BROX: variants seen among roughly 807,000 people sequenced by gnomAD.
BROX encodes BRO1 domain and CAAX motif containing, also known as BRO1 domain-containing protein BROX.
Under a neutral mutation model 61.0 loss-of-function variants are expected in BROX, and 53 were observed. That is an observed-to-expected ratio of 0.87 (90% confidence interval 0.70 to 1.09). The LOEUF (loss-of-function observed/expected upper bound fraction) is 1.09. BROX is among the 50% of genes least tolerant of loss of function. BROX has a pLI of 0.00. For missense variants in BROX, 489 were observed against 472.0 expected (o/e 1.04, Z -0.33); for synonymous variants, 152 against 160.2 (o/e 0.95, Z 0.38).
At chr1:222,725,643 C>A in intron 7 of BROX, 88 bp downstream of exon 7, 1 of 1,056,184 alleles carries the variant, frequency 9.5e-7, no homozygotes, top group Non-Finnish European at 1.4e-6. Flanking sequence ...GGCACTGTGG[C>A]TTATGCATGT....
Position 222,734,609 on chromosome 1 carries a change from A to G in BROX, c.*1895A>G, listed in dbSNP as rs1658167553. 1 of 152,188 alleles carries G rather than the reference A, an allele frequency of 6.6e-6. No individual in the cohort carries two copies. Among genetic ancestry groups the G allele is most frequent in the Admixed American group, 6.5e-5 (1 of 15,288 alleles). 9.4% of individuals were successfully genotyped at this position (152,188 alleles called of 1,614,324 possible). On this transcript the variant is annotated 3_prime_UTR_variant, in exon 13 of 13. Coordinates refer to ENST00000340934, the MANE Select transcript of BROX (RefSeq NM_144695.4). ...TAAACAGACATTTAATTTTATTTCA[A>G]TATCTATGGAAAAAACACTTATTAA...
intron 4 of BROX, among the ~76,000 whole-genome samples, chr1:222,720,296 A>T (rs1358343155): frequency 6.6e-6 from 1 of 152,168 alleles, no homozygotes; most frequent in Non-Finnish European, 1.5e-5. Flanking sequence ...GCAATATTTT[A>T]TGTCGAATTC....
At chr1:222,731,613 C>A in intron 12 of BROX, 97 bp downstream of exon 12, 1 of 1,302,544 alleles carries the variant, frequency 7.7e-7, no homozygotes, top group South Asian at 1.4e-5. Context: ...AGATACATAT[C>A]TTTGTCTAAA....
intron 1 of BROX, among the ~76,000 whole-genome samples, chr1:222,714,987 A>G (rs935496464): frequency 6.6e-6 from 1 of 152,260 alleles, no homozygotes; most frequent in Non-Finnish European, 1.5e-5. Context: ...ATTGTAGAAC[A>G]CATGCTATAA....
rs182663688 is a variant in BROX, at chr1:222,713,166, C to T, written c.-17+224C>T. The T allele has an allele frequency of 2.8e-4, 272 of 979,734 alleles. 2 individuals are homozygous for T. Among genetic ancestry groups the T allele is most frequent in the Non-Finnish European group, 3.2e-4 (264 of 821,182 alleles). 60.7% of individuals were successfully genotyped at this position (979,734 alleles called of 1,614,324 possible). Reference sequence around the variant, plus strand: ...CTAGATCCGCTGAATCCCCTTGCCCCGCATCTCCATTGGTCATTGGAGAGC... The same window carrying T: ...CTAGATCCGCTGAATCCCCTTGCCCTGCATCTCCATTGGTCATTGGAGAGC... On this transcript the variant is annotated intron_variant, in intron 1 of 12. Transcript: ENST00000340934.
rs145225286 is a variant in BROX, at chr1:222,719,248, T to C, written c.209-15T>C. The C allele has an allele frequency of 5.9e-6, 9 of 1,530,308 alleles. No homozygotes were observed. The highest frequency in any genetic ancestry group is 7.2e-6 in the Non-Finnish European group (8 of 1,107,382). 94.8% of individuals were successfully genotyped at this position (1,530,308 alleles called of 1,614,324 possible). On this transcript the variant is annotated splice_polypyrimidine_tract_variant and intron_variant, in intron 3 of 12. Coordinates refer to ENST00000340934, the MANE Select transcript of BROX (RefSeq NM_144695.4). ...TAATTCTTCTAAAACTAAAATGTCT[T>C]GTACTTTTCTATAGGTTTCATAAAT...
At position 222,733,063 on chromosome 1, in the gene BROX, C is replaced by CTTTTTTTTTGTTTTTTTTTTTTTTTTTTT. The variant is rs1658058750; in HGVS notation, c.*358_*359insGTTTTTTTTTTTTTTTTTTTTTTTTTTTT. The CTTTTTTTTTGTTTTTTTTTTTTTTTTTTT allele has an allele frequency of 9.5e-6, 1 of 104,882 alleles. No individual in the cohort carries two copies. The highest frequency in any genetic ancestry group is 3.7e-5 in the African/African-American group (1 of 27,242). The allele number at this position is 104,882 out of a possible 1,614,324, so 6.5% of individuals were successfully genotyped here. ...AGGTATGTTTTTCTTTTTTCTTTTT[C>CTTTTTTTTTGTTTTTTTTTTTTTTTTTTT]TTTTTTTTTTTTCTTTTTTTTTTTT... On this transcript the variant is annotated 3_prime_UTR_variant, in exon 13 of 13. Transcript: ENST00000340934.
chr1:222,720,033 GA>G (rs1656950614), intron 4 of BROX, among the ~76,000 whole-genome samples: 1 of 152,204 alleles, frequency 6.6e-6, no homozygotes, highest in Non-Finnish European at 1.5e-5. Context: ...AGAAAGGAAG[GA>G]GTGGAGGTTG....
chr1:222,727,248 C>T lies in BROX; in HGVS notation c.661C>T (p.Gln221Ter). The T allele has an allele frequency of 6.2e-7, 1 of 1,609,116 alleles. No homozygotes were observed. The highest frequency in any genetic ancestry group is 1.3e-5 in the African/African-American group (1 of 74,904). ...GGCGTATGAAACAGCCAATTTCTAT[C>T]AAAAAGCTGGTAAGCTTCTAATTCT... ...ALAYETANFY[Q>*]KADHTLSSLE... The change falls in exon 8 of 13, where the codon CAA becomes TAA. Residue 221 changes from glutamine to a stop codon, truncating the protein, a stop_gained. Coordinates refer to ENST00000340934, the MANE Select transcript of BROX (RefSeq NM_144695.4). LOFTEE classifies it high-confidence loss of function.
chr1:222,730,641 G>A (rs1306509168), intron 11 of BROX, among the ~76,000 whole-genome samples: 2 of 152,226 alleles, frequency 1.3e-5, no homozygotes, highest in South Asian at 2.1e-4. Context: ...CTTTAAATTC[G>A]TGATAAATTT....
intron 6 of BROX, 43 bp from the exon 7 acceptor site, chr1:222,725,407 A>C: frequency 7.3e-7 from 1 of 1,367,816 alleles, no homozygotes; most frequent in South Asian, 1.3e-5. Flanking sequence ...TTAAAATAAA[A>C]TTTGGCTGCT....
intron 11 of BROX, among the ~76,000 whole-genome samples, chr1:222,730,566 C>T (rs542587208): frequency 4.2e-4 from 64 of 152,204 alleles, no homozygotes; most frequent in African/African-American, 1.3e-3. Context: ...ACTGCACTCC[C>T]GCCTGGGCAA....
intron 4 of BROX, among the ~76,000 whole-genome samples, chr1:222,720,519 TAGTG>T (rs1410242824): frequency 8.5e-5 from 13 of 152,292 alleles, no homozygotes; most frequent in Admixed American, 1.3e-4. Flanking sequence ...TTCTGTGTAA[TAGTG>T]AGCTAAAGCC....
intron 5 of BROX, among the ~76,000 whole-genome samples, 158 bp downstream of exon 5, chr1:222,722,672 G>A (rs1282762118): frequency 6.6e-6 from 1 of 152,110 alleles, no homozygotes; most frequent in Non-Finnish European, 1.5e-5. Flanking sequence ...GGCACCTAGC[G>A]TTAAGAGGTA....
At chr1:222,729,437 G>A (rs544001941) in intron 9 of BROX, among the ~76,000 whole-genome samples, 183 bp from the exon 10 acceptor site, 1 of 152,174 alleles carries the variant, frequency 6.6e-6, no homozygotes, top group Non-Finnish European at 1.5e-5. Flanking sequence ...AGGCTGTTTG[G>A]GCTCAAGACT....
rs1416364288 is a variant in BROX at position 222,728,763 on chromosome 1, G to C, written c.691G>C (p.Glu231Gln). ...QKADHTLSSL[E>Q]PAYSAKWRKY... is the part of the protein sequence containing the mutation. ...TTTAGATCATACTTTATCCAGTTTG[G>C]AGCCTGCATATTCTGCCAAATGGAG... The change falls in exon 9 of 13, where the codon GAG (glutamate) becomes CAG (glutamine). Residue 231 changes from glutamate to glutamine, a missense_variant. Glu to Gln is a conservative substitution (Grantham distance 29). Coordinates refer to ENST00000340934, the MANE Select transcript of BROX (RefSeq NM_144695.4). 1.2e-6 allele frequency: 2 copies of C among 1,600,988 alleles called. No individual in the cohort carries two copies. Among genetic ancestry groups the C allele is most frequent in the African/African-American group, 2.7e-5 (2 of 74,762 alleles).
chr1:222,731,716 T>G (rs185578300), intron 12 of BROX, among the ~76,000 whole-genome samples, 200 bp downstream of exon 12: 1 of 152,250 alleles, frequency 6.6e-6, no homozygotes, highest in South Asian at 2.1e-4. Context: ...CTTCTGATTT[T>G]CTACATAATG....
rs1658108837 is a variant in BROX at position 222,733,598 on chromosome 1, CATTACATATGTTAGAATCA to C, written c.*887_*905del. 6.6e-6 allele frequency: 1 copy of C among 152,126 alleles called. No individual in the cohort carries two copies. The highest frequency in any genetic ancestry group is 2.4e-5 in the African/African-American group (1 of 41,430). The allele number at this position is 152,126 out of a possible 1,614,324, so 9.4% of individuals were successfully genotyped here. On this transcript the variant is annotated 3_prime_UTR_variant, in exon 13 of 13. Coordinates refer to ENST00000340934, the MANE Select transcript of BROX (RefSeq NM_144695.4). ...GATCAGAAAATTATCACACCAAATC[CATTACATATGTTAGAATCA>C]ATAATTTACTCAAAAATCAGCTTTT...
In BROX at chr1:222,732,803, G is replaced by A. The variant is rs977532942; in HGVS notation, c.*89G>A. On this transcript the variant is annotated 3_prime_UTR_variant, in exon 13 of 13. Transcript: ENST00000340934. ...TATTTCTCAAAATGATTTCTCTGAA[G>A]CTTGTAGAATAACTATTATATTCAG... 59 of 1,058,006 alleles carry A rather than the reference G, an allele frequency of 5.6e-5. No individual in the cohort carries two copies. The African/African-American group carries it at 8.1e-4, about 15-fold the overall frequency. The allele number at this position is 1,058,006 out of a possible 1,614,324, so 65.5% of individuals were successfully genotyped here.
Sources: gnomAD v4.1 joint callset for allele counts (sites outside exome capture counted in the v4.1 genomes callset) on GRCh38, gnomAD v4.1.1 for gene constraint, MANE v1.5 for transcripts, NCBI Gene and HGNC (gene_info 2026-07-23, HGNC 2026-07-21) for gene names.